The following MAF variants were observed in gnomAD, a reference collection of about 807,000 sequenced individuals.
MAF encodes the protein transcription factor Maf.
Under a neutral mutation model 22.0 loss-of-function variants are expected in MAF, and 10 were observed. The ratio of observed to expected loss-of-function variants is 0.45; its 90% CI spans 0.28 to 0.77. MAF has a LOEUF of 0.77. MAF is among the 30% of genes least tolerant of loss of function. The pLI is 0.12. For synonymous variants in MAF, 337 were observed against 255.8 expected (o/e 1.32, Z -3.03); for missense variants, 544 against 548.4 (o/e 0.99, Z 0.08).
the MAF span, among the ~76,000 whole-genome samples, chr16:79,296,145 A>G: frequency 1.3e-5 from 2 of 152,366 alleles, no homozygotes; most frequent in East Asian, 3.9e-4. Flanking sequence ...GGATTATAGT[A>G]AATTCTTCCT....
chr16:79,406,637 T>C, the MAF span, among the ~76,000 whole-genome samples: 1 of 152,102 alleles, frequency 6.6e-6, no homozygotes, highest in Non-Finnish European at 1.5e-5. Context: ...ACCATCACAT[T>C]GGGGGATAGG....
the MAF span, among the ~76,000 whole-genome samples, chr16:79,540,165 G>C: frequency 8.6e-5 from 13 of 151,910 alleles, no homozygotes; most frequent in Admixed American, 8.5e-4. Flanking sequence ...TGGAGGACCA[G>C]AGGCTGTAAA....
downstream of MAF, among the ~76,000 whole-genome samples, chr16:79,585,434 T>C (rs1464783630): frequency 3.3e-5 from 5 of 151,962 alleles, no homozygotes; most frequent in South Asian, 4.1e-4. Flanking sequence ...AAATTTGAAA[T>C]GTTTATGAGG....
the MAF span, among the ~76,000 whole-genome samples, chr16:79,534,977 TG>T: frequency 6.6e-6 from 1 of 152,218 alleles, no homozygotes; most frequent in African/African-American, 2.4e-5. Context: ...TCCCCTCCTT[TG>T]TAAGCTTCCT....
At chr16:79,360,039 G>A in the MAF span, among the ~76,000 whole-genome samples, 1 of 152,134 alleles carries the variant, frequency 6.6e-6, no homozygotes, top group South Asian at 2.1e-4. Flanking sequence ...GAAGAGGGTG[G>A]GGTGGCTTTC....
chr16:79,211,553 A>T, the MAF span: 1 of 1,580,114 alleles, frequency 6.3e-7, no homozygotes, highest in Non-Finnish European at 8.7e-7. Context: ...AAATGACGCC[A>T]TCTCATCACT....
the MAF span, among the ~76,000 whole-genome samples, chr16:79,343,665 A>C: frequency 2.6e-5 from 4 of 152,240 alleles, no homozygotes; most frequent in African/African-American, 9.6e-5. Flanking sequence ...TTATATTAGC[A>C]GACTCCTGAC....
chr16:79,383,555 A>C, the MAF span, among the ~76,000 whole-genome samples: 3 of 152,222 alleles, frequency 2.0e-5, no homozygotes, highest in Admixed American at 6.5e-5. Flanking sequence ...TGCAAGTACA[A>C]GTATGCTTTG....
At chr16:79,464,371 A>T in the MAF span, among the ~76,000 whole-genome samples, 6 of 152,220 alleles carry the variant, frequency 3.9e-5, no homozygotes, top group South Asian at 8.3e-4. Context: ...CTAGCCCACC[A>T]CAGTAGCCGT....
chr16:79,412,537 C>T, the MAF span, among the ~76,000 whole-genome samples: 31 of 152,308 alleles, frequency 2.0e-4, no homozygotes, highest in African/African-American at 6.3e-4. Flanking sequence ...AGGGGCTGTC[C>T]TGTGTATTGC....
the MAF span, among the ~76,000 whole-genome samples, chr16:79,233,067 C>G: frequency 6.6e-6 from 1 of 151,838 alleles, no homozygotes; most frequent in Non-Finnish European, 1.5e-5. Flanking sequence ...GTCTCGATCT[C>G]CTGACCTCAT....
At chr16:79,224,570 GTC>G in the MAF span, among the ~76,000 whole-genome samples, 1 of 152,164 alleles carries the variant, frequency 6.6e-6, no homozygotes, top group Non-Finnish European at 1.5e-5. Flanking sequence ...AAGTCAAATT[GTC>G]TCTGTTTACA....
At chr16:79,311,688 C>A in the MAF span, among the ~76,000 whole-genome samples, 1 of 152,122 alleles carries the variant, frequency 6.6e-6, no homozygotes. Context: ...TTTCACTCCA[C>A]AGACTCAATT....
At chr16:79,542,197 G>A in the MAF span, among the ~76,000 whole-genome samples, 18 of 152,292 alleles carry the variant, frequency 1.2e-4, no homozygotes, top group African/African-American at 4.3e-4. Flanking sequence ...CTGAAGAGGG[G>A]AGCGAATGGG....
At chr16:79,414,927 T>C in the MAF span, among the ~76,000 whole-genome samples, 10 of 152,362 alleles carry the variant, frequency 6.6e-5, no homozygotes, top group South Asian at 1.7e-3. Context: ...TTCCATGTCA[T>C]AGGGTGTCCC....
the MAF span, among the ~76,000 whole-genome samples, chr16:79,521,705 G>A: frequency 6.6e-6 from 1 of 152,170 alleles, no homozygotes; most frequent in Non-Finnish European, 1.5e-5. Context: ...TTGTCTCCGA[G>A]ACTCAGTTTT....
the MAF span, among the ~76,000 whole-genome samples, chr16:79,472,155 A>G: frequency 6.6e-6 from 1 of 152,162 alleles, no homozygotes; most frequent in Non-Finnish European, 1.5e-5. Context: ...GATGACTCAA[A>G]TCCCCAGTCA....
At chr16:79,342,376 G>A in the MAF span, among the ~76,000 whole-genome samples, 16 of 152,144 alleles carry the variant, frequency 1.1e-4, no homozygotes, top group African/African-American at 3.1e-4. Flanking sequence ...CATCCAAGAG[G>A]GGCTGCAGCA....
chr16:79,596,331 A>G, intron 1 of MAF: 2 of 1,059,694 alleles, frequency 1.9e-6, no homozygotes, highest in Non-Finnish European at 2.3e-6. Context: ...CAGCCTCCTC[A>G]CTTCAAAAAA....
Sources: gnomAD v4.1 joint callset for allele counts (sites outside exome capture counted in the v4.1 genomes callset) on GRCh38, gnomAD v4.1.1 for gene constraint, MANE v1.5 for transcripts, NCBI Gene and HGNC (gene_info 2026-07-23, HGNC 2026-07-21) for gene names.